CRPPA: variants seen among roughly 807,000 people sequenced by gnomAD.
The protein encoded by CRPPA is CDP-L-ribitol pyrophosphorylase A, also known as D-ribitol-5-phosphate cytidylyltransferase.
CRPPA carries 43 observed loss-of-function variants against 52.0 expected under a neutral mutation model. The ratio of observed to expected loss-of-function variants is 0.83; its 90% CI spans 0.65 to 1.07. The LOEUF is 1.07. Ranked by LOEUF, CRPPA falls within the 50% of genes least tolerant of loss-of-function variation. CRPPA has a pLI of 0.00. For synonymous variants in CRPPA, 250 were observed against 203.5 expected (o/e 1.23, Z -1.94); for missense variants, 629 against 551.7 (o/e 1.14, Z -1.40).
intron 5 of CRPPA, among the ~76,000 whole-genome samples, chr7:16,286,945 T>C (rs1784463927): frequency 6.6e-6 from 1 of 152,180 alleles, no homozygotes. Context: ...TATCTATGCA[T>C]TATGCACCAA....
chr7:16,393,025 G>T (rs562367158), intron 2 of CRPPA, among the ~76,000 whole-genome samples: 1 of 152,214 alleles, frequency 6.6e-6, no homozygotes, highest in South Asian at 2.1e-4. Flanking sequence ...GATAGATCTT[G>T]TCAAGGATCT....
At chr7:16,252,923 T>C (rs898290657) in intron 8 of CRPPA, among the ~76,000 whole-genome samples, 2 of 152,184 alleles carry the variant, frequency 1.3e-5, no homozygotes, top group African/African-American at 4.8e-5. Flanking sequence ...TGATGGTAGT[T>C]TGTATTTCTG....
intron 9 of CRPPA, among the ~76,000 whole-genome samples, chr7:16,156,259 A>C (rs1460535573): frequency 6.6e-6 from 1 of 152,196 alleles, no homozygotes; most frequent in African/African-American, 2.4e-5. Flanking sequence ...TTAGCTAATA[A>C]CTGTCACTGT....
At chr7:16,350,293 A>C (rs949750064) in intron 3 of CRPPA, among the ~76,000 whole-genome samples, 1 of 152,264 alleles carries the variant, frequency 6.6e-6, no homozygotes, top group Admixed American at 6.5e-5. Context: ...GGTAACATGA[A>C]AACATATGAC....
intron 4 of CRPPA, 28 bp downstream of exon 4, chr7:16,308,494 GA>G: frequency 8.0e-7 from 1 of 1,255,256 alleles, no homozygotes; most frequent in South Asian, 1.3e-5. Context: ...GCACAGAAAA[GA>G]ACCCAAGCAA....
chr7:16,380,027 T>C (rs1313276499), intron 2 of CRPPA, among the ~76,000 whole-genome samples: 1 of 151,276 alleles, frequency 6.6e-6, no homozygotes, highest in Non-Finnish European at 1.5e-5. Flanking sequence ...CAACACTACG[T>C]TGAATAGGAG....
intron 9 of CRPPA, among the ~76,000 whole-genome samples, chr7:16,147,224 G>T (rs757042705): frequency 6.6e-6 from 1 of 152,104 alleles, no homozygotes; most frequent in Non-Finnish European, 1.5e-5. Flanking sequence ...AAATTACTCA[G>T]TCTTGGGTAT....
At chr7:16,188,275 T>C (rs1781544455) in intron 9 of CRPPA, among the ~76,000 whole-genome samples, 1 of 152,078 alleles carries the variant, frequency 6.6e-6, no homozygotes, top group Non-Finnish European at 1.5e-5. Flanking sequence ...AATTCCTAAA[T>C]AACTTTGTCC....
At chr7:16,311,186 A>G (rs1368091763) in intron 3 of CRPPA, among the ~76,000 whole-genome samples, 2 of 152,132 alleles carry the variant, frequency 1.3e-5, no homozygotes, top group East Asian at 3.9e-4. Flanking sequence ...ACACATCATT[A>G]TCATTCAAAG....
chr7:16,314,893 G>C, intron 3 of CRPPA, among the ~76,000 whole-genome samples: 1 of 152,044 alleles, frequency 6.6e-6, no homozygotes, highest in East Asian at 1.9e-4. Flanking sequence ...TGGTATTCCT[G>C]AAGCTTCCTG....
chr7:16,265,899 G>A (rs1008261760), intron 6 of CRPPA, among the ~76,000 whole-genome samples: 2 of 152,182 alleles, frequency 1.3e-5, no homozygotes, highest in East Asian at 3.9e-4. Flanking sequence ...TACACAGCCA[G>A]TAAGGGGCTA....
At chr7:16,112,067 C>A (rs922522530) in intron 9 of CRPPA, among the ~76,000 whole-genome samples, 3 of 152,152 alleles carry the variant, frequency 2.0e-5, no homozygotes, top group African/African-American at 4.8e-5. Flanking sequence ...GTAATCCCAG[C>A]ACTTTGGGAG....
chr7:16,210,833 T>G (rs1782114506), intron 9 of CRPPA, among the ~76,000 whole-genome samples: 1 of 152,074 alleles, frequency 6.6e-6, no homozygotes, highest in Non-Finnish European at 1.5e-5. Context: ...GAAAGTAGCT[T>G]CTTTTATCCA....
chr7:16,222,785 A>C (rs191003108), intron 8 of CRPPA, among the ~76,000 whole-genome samples: 46 of 152,278 alleles, frequency 3.0e-4, no homozygotes, highest in Non-Finnish European at 5.3e-4. Context: ...TATTCTACTG[A>C]TCATTTTTAA....
chr7:16,197,773 A>T lies in CRPPA; in HGVS notation c.1251+18293T>A, dbSNP rs545579512. ...TTGTTACTGTGTCTGTGTAGAAAGA[A>T]GTAGACATAGGAGACTCCATTTTGT... On this transcript the variant is annotated intron_variant, in intron 9 of 9. Coordinates refer to ENST00000407010, the MANE Select transcript of CRPPA (RefSeq NM_001101426.4). Among the ~76,000 whole-genome samples the T allele has an allele frequency of 1.5e-3, 231 of 150,726 alleles. 10 individuals are homozygous for T. Among genetic ancestry groups the T allele is most frequent in the Admixed American group, 0.014 (217 of 15,208 alleles).
chr7:16,151,301 C>T (rs962696920), intron 9 of CRPPA, among the ~76,000 whole-genome samples: 6 of 152,138 alleles, frequency 3.9e-5, no homozygotes, highest in South Asian at 2.1e-4. Flanking sequence ...GAAACCATCA[C>T]CTGAAATCAT....
At chr7:16,345,717 T>G (rs1412190949) in intron 3 of CRPPA, among the ~76,000 whole-genome samples, 1 of 151,616 alleles carries the variant, frequency 6.6e-6, no homozygotes, top group Non-Finnish European at 1.5e-5. Flanking sequence ...ACCCTCAAGC[T>G]GTTAGTTTGG....
chr7:16,232,698 C>A lies in CRPPA; in HGVS notation c.1120-16501G>T, dbSNP rs191649179. 6.6e-5 allele frequency among the ~76,000 whole-genome samples: 10 copies of A among 151,952 alleles called. 1 individual carries two copies. Among genetic ancestry groups the A allele is most frequent in the African/African-American group, 1.9e-4 (8 of 41,462 alleles). ...AAATATACTAGTCCTGCTGAAAGAT[C>A]AAAAAAACAAGACCTAAATGGATCA... On this transcript the variant is annotated intron_variant, in intron 8 of 9. Coordinates refer to ENST00000407010, the MANE Select transcript of CRPPA (RefSeq NM_001101426.4).
intron 2 of CRPPA, among the ~76,000 whole-genome samples, chr7:16,389,927 AAATATATATATATATAT>A (rs1399381532): frequency 4.4e-5 from 3 of 67,688 alleles, no homozygotes; most frequent in African/African-American, 1.7e-4. Flanking sequence ...AAAAAAAAAA[AAATATATATATATATAT>A]ATATATATAT....
Sources: allele counts gnomAD v4.1 joint callset (sites outside exome capture counted in the v4.1 genomes callset), GRCh38; gene constraint gnomAD v4.1.1; transcripts MANE v1.5; gene names NCBI Gene and HGNC (gene_info 2026-07-23, HGNC 2026-07-21).